KLK4: variants seen among roughly 807,000 people sequenced by gnomAD.
KLK4 encodes the protein kallikrein-4.
In KLK4, 24 loss-of-function variants were observed where a neutral mutation model predicts 24.3. The ratio of observed to expected loss-of-function variants is 0.99; its 90% confidence interval spans 0.72 to 1.39. The LOEUF (loss-of-function observed/expected upper bound fraction) is 1.39, where lower values mean the gene tolerates loss of function less well. KLK4 is among the 40% of genes most tolerant of loss of function. The pLI, the probability that KLK4 is intolerant of heterozygous loss-of-function variation, is 0.00. For synonymous variants in KLK4, 142 were observed against 138.8 expected, an observed-to-expected ratio of 1.02 and a Z score of -0.16; for missense variants, 344 against 327.4, an observed-to-expected ratio of 1.05 and a Z score of -0.39.
At chr19:50,908,598 G>A (rs776143382) in exon 4 of KLK4, 4 of 1,614,224 alleles carry the variant, frequency 2.5e-6, no homozygotes, top group Non-Finnish European at 3.4e-6. Flanking sequence ...GCAGACCCCA[G>A]CCAGAAACGA....
intron 1 of KLK4, among the ~76,000 whole-genome samples, chr19:50,911,037 G>A (rs571196934): frequency 6.6e-6 from 1 of 152,294 alleles, no homozygotes; most frequent in South Asian, 2.1e-4. Context: ...GAGAGATGGT[G>A]TCTAGCCACC....
At chr19:50,909,883 G>A (rs2090472035) in intron 2 of KLK4, among the ~76,000 whole-genome samples, 1 of 151,930 alleles carries the variant, frequency 6.6e-6, no homozygotes, top group Non-Finnish European at 1.5e-5. Flanking sequence ...CTAGGGTTGG[G>A]GTTACAGCGC....
At chr19:50,906,364 G>C (rs1056519908) in exon 6 of KLK4, 8 of 161,936 alleles carry the variant, frequency 4.9e-5, no homozygotes, top group African/African-American at 1.9e-4. Flanking sequence ...GCTTCTCTTA[G>C]ACTTTATTTC....
chr19:50,908,082 A>T, intron 5 of KLK4: 1 of 521,524 alleles, frequency 1.9e-6, no homozygotes, highest in East Asian at 3.4e-5. Flanking sequence ...TGTTGGGTGG[A>T]GGTCACCGCC....
At chr19:50,908,215 TTCTC>T in intron 5 of KLK4, 140 bp downstream of exon 5, 1 of 961,116 alleles carries the variant, frequency 1.0e-6, no homozygotes, top group Non-Finnish European at 1.6e-6. Flanking sequence ...ATTTCTCTGT[TTCTC>T]TCAGTTTCTC....
At chr19:50,908,025 A>C in intron 5 of KLK4, 1 of 418,558 alleles carries the variant, frequency 2.4e-6, no homozygotes, top group Non-Finnish European at 4.5e-6. Flanking sequence ...ACAGTAGGCT[A>C]TTTCTAGTCA....
At chr19:50,911,285 G>A (rs557347494) in intron 1 of KLK4, among the ~76,000 whole-genome samples, 54 bp downstream of exon 1, 1 of 152,242 alleles carries the variant, frequency 6.6e-6, no homozygotes, top group Non-Finnish European at 1.5e-5. Flanking sequence ...GCTGTAGGGA[G>A]AGTTGGATCA....
intron 5 of KLK4, chr19:50,908,013 C>T: frequency 9.7e-6 from 4 of 410,402 alleles, no homozygotes; most frequent in Non-Finnish European, 1.8e-5. Context: ...GGCTCCCCGT[C>T]AACAGTAGGC....
intron 4 of KLK4, 35 bp downstream of exon 4, chr19:50,908,544 C>A (rs761484250): frequency 3.7e-6 from 6 of 1,614,184 alleles, no homozygotes; most frequent in Non-Finnish European, 4.2e-6. Flanking sequence ...CAGAGGACCT[C>A]CTTGAAGAGG....
At chr19:50,907,046 T>G (rs2090438196) in exon 6 of KLK4, 3 of 1,614,070 alleles carry the variant, frequency 1.9e-6, no homozygotes, top group Admixed American at 1.7e-5. Flanking sequence ...CACAAGGCCC[T>G]GCAAGTACCC....
At chr19:50,909,349 G>A (rs1313407932) in exon 3 of KLK4, 2 of 1,614,246 alleles carry the variant, frequency 1.2e-6, no homozygotes, top group East Asian at 2.2e-5. Flanking sequence ...GCCTGCCAGG[G>A]CTGCGAGTGC....
chr19:50,909,128 G>T, intron 3 of KLK4, 124 bp downstream of exon 3: 1 of 1,574,958 alleles, frequency 6.3e-7, no homozygotes. Flanking sequence ...CCGGATCCAG[G>T]CTCATTCCGT....
chr19:50,908,648 T>C, exon 4 of KLK4: 1 of 1,614,222 alleles, frequency 6.2e-7, no homozygotes, highest in Non-Finnish European at 8.5e-7. Context: ...GAAGCAATGC[T>C]GATGCTCCGG....
rs545565210 is a variant in KLK4 at position 50,910,184 on chromosome 19, G to A, written c.61+494C>T. On this transcript the variant is annotated intron_variant, in intron 2 of 5. Transcript: ENST00000324041. The surrounding 1 kb of genome is among the most constrained non-coding windows in gnomAD (Gnocchi z 4.4). Reference sequence around the variant, plus strand: ...CTGATGCTCAAAGAGTCGGTCCTGCGCCGAGTCACTCCTATCCTCTCCCAG... The same window carrying A: ...CTGATGCTCAAAGAGTCGGTCCTGCACCGAGTCACTCCTATCCTCTCCCAG... Among the ~76,000 whole-genome samples the A allele has an allele frequency of 6.6e-5, 10 of 152,038 alleles. No homozygotes were observed. Among genetic ancestry groups the A allele is most frequent in the African/African-American group, 2.4e-4 (10 of 41,418 alleles).
rs2090482820 is a variant in KLK4, at chr19:50,910,880, C to G, written c.-11-131G>C. 8 of 748,904 alleles carry G rather than the reference C, an allele frequency of 1.1e-5. No individual in the cohort carries two copies. The highest frequency in any genetic ancestry group is 1.2e-5 in the Non-Finnish European group (5 of 425,808). The allele number at this position is 748,904 out of a possible 1,614,324, so 46.4% of individuals were successfully genotyped here. A position where few individuals can be genotyped will look rare whatever the true frequency, so the allele number is the denominator to read the frequency against. On this transcript the variant is annotated intron_variant, in intron 1 of 5. Coordinates refer to ENST00000324041, the Ensembl canonical transcript of KLK4. The surrounding 1 kb of genome is among the most constrained non-coding windows in gnomAD (Gnocchi z 4.4). The stretch of plus-strand genomic sequence containing the variant: ...AGGCAAGAGCCTAGACCATCTACCC[C>G]CTCTCCCATCCATGGACCCAGAACC...
chr19:50,908,754 G>A lies in KLK4; in HGVS notation c.300C>T (p.Ser100=), dbSNP rs198966. 9,753 of 1,614,014 alleles carry A rather than the reference G, an allele frequency of 6.0e-3. 503 individuals are homozygous for A. The African/African-American group carries it at 0.11, about 19-fold the overall frequency. ...TGTACTCTGGGTGCCGTACGGAGAG[G>A]CTGGCCTCCACCATCTGGCTCCCTG... Residue 100 remains serine, a synonymous_variant, in exon 4 of 6, where the codon AGC becomes AGT. Coordinates refer to ENST00000324041, the Ensembl canonical transcript of KLK4.
chr19:50,910,599 G>C lies in KLK4; in HGVS notation c.61+79C>G, dbSNP rs1027477440. On this transcript the variant is annotated intron_variant, in intron 2 of 5. Coordinates refer to ENST00000324041, the Ensembl canonical transcript of KLK4. The surrounding 1 kb of genome is among the most constrained non-coding windows in gnomAD (Gnocchi z 4.4). Reference sequence around the variant, plus strand: ...GGCAGCTTTGCAGTCACAAGCAAGAGGACACTGAGTCACACCTGAACATTA... The same window carrying C: ...GGCAGCTTTGCAGTCACAAGCAAGACGACACTGAGTCACACCTGAACATTA... 8 of 1,333,032 alleles carry C rather than the reference G, an allele frequency of 6.0e-6. No homozygotes were observed. In the Admixed American group the frequency reaches 1.6e-4, roughly 26 times the overall value. 82.6% of individuals were successfully genotyped at this position (1,333,032 alleles called of 1,614,324 possible). A position where few individuals can be genotyped will look rare whatever the true frequency, so the allele number is the denominator to read the frequency against.
Position 50,910,066 on chromosome 19 carries a change from C to G in KLK4, c.61+612G>C, listed in dbSNP as rs138222175. On this transcript the variant is annotated intron_variant, in intron 2 of 5. Transcript: ENST00000324041. This position sits in a 1 kb window ranked among gnomAD's most constrained non-coding sequence, Gnocchi z 4.4. ...GGGGTTCAACAGAGGAGTCTAGGCT[C>G]ATAGCAGTAGGATCGGGTCCTTCGG... Among the ~76,000 whole-genome samples the G allele has an allele frequency of 9.3e-4, 142 of 152,084 alleles. No homozygotes were observed. The highest frequency in any genetic ancestry group is 1.9e-3 in the Non-Finnish European group (127 of 67,944).
At chr19:50,909,219 G>A (rs2090463565) in intron 3 of KLK4, 33 bp downstream of exon 3, 1 of 1,613,850 alleles carries the variant, frequency 6.2e-7, no homozygotes, top group African/African-American at 1.3e-5. Context: ...CCCGGACCCA[G>A]GCCCTGCCCA....
Sources: allele counts gnomAD v4.1 joint callset (sites outside exome capture counted in the v4.1 genomes callset), GRCh38; gene constraint gnomAD v4.1.1; non-coding constraint Gnocchi (gnomAD v3.1); transcripts MANE v1.5; gene names NCBI Gene and HGNC (gene_info 2026-07-23, HGNC 2026-07-21).